Variants in OR51G2 observed in about 807,000 individuals in gnomAD.
OR51G2 encodes olfactory receptor family 51 subfamily G member 2, also known as olfactory receptor 51G2.
Under a neutral mutation model 11.8 loss-of-function variants are expected in OR51G2, and 13 were observed. The ratio of observed to expected loss-of-function variants is 1.10; its 90% CI spans 0.72 to 1.76. The LOEUF is 1.76. Ranked by LOEUF, OR51G2 falls within the 40% of genes most tolerant of loss-of-function variation. The probability of loss-of-function intolerance (pLI) is 0.00; values close to 1 mark genes in which losing one functional copy is unlikely to be tolerated. For synonymous variants in OR51G2, 178 were observed against 151.9 expected (o/e 1.17, Z -1.26); for missense variants, 474 against 394.4 (o/e 1.20, Z -1.71).
chr11:4,914,431 G>T lies in OR51G2; in HGVS notation c.*288C>A. On this transcript the variant is annotated 3_prime_UTR_variant, in exon 2 of 2. Coordinates refer to ENST00000641926, the MANE Select transcript of OR51G2 (RefSeq NM_001005238.2). ...CTATCCAGTTTCAAGGGGAGAAGAA[G>T]TAGACCCTATCTCTTTATGAGGAGT... 3.1e-6 allele frequency: 1 copy of T among 323,732 alleles called. No homozygotes were observed. The allele number at this position is 323,732 out of a possible 1,614,324, so 20.1% of individuals were successfully genotyped here. A position where few individuals can be genotyped will look rare whatever the true frequency, so the allele number is the denominator to read the frequency against.
At chr11:4,917,816 T>A (rs1275021656) in intron 1 of OR51G2, among the ~76,000 whole-genome samples, 2 of 152,130 alleles carry the variant, frequency 1.3e-5, no homozygotes, top group Non-Finnish European at 2.9e-5. Flanking sequence ...CATTGCACTA[T>A]GAAATTCATT....
rs1482484833 is a variant in OR51G2, at chr11:4,913,470, A to G, written c.*1249T>C. ...AGCTCCCCTTGGCAATATCACATTC[A>G]AGCTTGCTTTCCTCACAGTTACCTC... On this transcript the variant is annotated 3_prime_UTR_variant, in exon 2 of 2. Transcript: ENST00000641926. 4 of 152,208 alleles carry G rather than the reference A, an allele frequency of 2.6e-5. No homozygotes were observed. Among genetic ancestry groups the G allele is most frequent in the Non-Finnish European group, 4.4e-5 (3 of 68,046 alleles). 9.4% of individuals were successfully genotyped at this position (152,208 alleles called of 1,614,324 possible).
In OR51G2 at chr11:4,915,520, G is replaced by A; in HGVS notation, c.144C>T (p.Cys48=). The A allele has an allele frequency of 1.2e-6, 2 of 1,614,010 alleles. No individual in the cohort carries two copies. The highest frequency in any genetic ancestry group is 2.2e-5 in the East Asian group (1 of 44,866). Residue 48 remains cysteine, a synonymous_variant, in exon 2 of 2, where the codon TGC becomes TGT. Coordinates refer to ENST00000641926, the MANE Select transcript of OR51G2 (RefSeq NM_001005238.2). ...CTGTTTTAATGATAAAAAGAATTGT[G>A]CAGTTGCCCGGGATGGAAACCAGAT... The part of the protein sequence containing the change: ...FMYLVSIPGN[C]TILFIIKTER...
chr11:4,918,401 A>G (rs1851130765), intron 1 of OR51G2, among the ~76,000 whole-genome samples: 1 of 152,148 alleles, frequency 6.6e-6, no homozygotes, highest in Admixed American at 6.6e-5. Context: ...TGGGATTGGA[A>G]CTTGTGCTTC....
rs1323307647 is a variant in OR51G2, at chr11:4,915,613, G to T, written c.51C>A (p.Phe17Leu). Residue 17 changes from phenylalanine (F) to leucine (L), a missense_variant, in exon 2 of 2, where the codon TTC becomes TTA. Transcript: ENST00000641926. ...CCAGCCCAGGGATGCCACTCAGCAG[G>T]AAGGTAGCAGAAACGCTGCTGCTGC... ...GNSSSSVSAT[F>L]LLSGIPGLER... 1 of 1,614,020 alleles carries T rather than the reference G, an allele frequency of 6.2e-7. No homozygotes were observed. The highest frequency in any genetic ancestry group is 8.5e-7 in the Non-Finnish European group (1 of 1,179,940).
intron 1 of OR51G2, 145 bp from the exon 2 acceptor site, chr11:4,915,884 A>T: frequency 2.0e-6 from 1 of 500,408 alleles, no homozygotes. Flanking sequence ...AGAAGCAAAG[A>T]CATGGAATTG....
At position 4,914,315 on chromosome 11, in the gene OR51G2, A is replaced by G. The variant is rs143103717; in HGVS notation, c.*404T>C. 1,041 of 166,064 alleles carry G rather than the reference A, an allele frequency of 6.3e-3. 15 individuals are homozygous for G. The highest frequency in any genetic ancestry group is 0.022 in the African/African-American group (928 of 41,698). 10.3% of individuals were successfully genotyped at this position (166,064 alleles called of 1,614,324 possible). A position where few individuals can be genotyped will look rare whatever the true frequency, so the allele number is the denominator to read the frequency against. Reference sequence around the variant, plus strand: ...ACAAGCGTTGAGTGAAACAGACAGAAACAGTGGTGGAATGGAGGTGGAAGA... The same window carrying G: ...ACAAGCGTTGAGTGAAACAGACAGAGACAGTGGTGGAATGGAGGTGGAAGA... On this transcript the variant is annotated 3_prime_UTR_variant, in exon 2 of 2. Transcript: ENST00000641926.
intron 1 of OR51G2, among the ~76,000 whole-genome samples, chr11:4,918,141 A>G (rs980795020): frequency 6.6e-6 from 1 of 152,018 alleles, no homozygotes; most frequent in African/African-American, 2.4e-5. Context: ...GAGGAAAGAG[A>G]GGCTTAGAGA....
In OR51G2 at chr11:4,914,665, G is replaced by T; in HGVS notation, c.*54C>A. 2.5e-6 allele frequency: 3 copies of T among 1,203,694 alleles called. No individual in the cohort carries two copies. In the East Asian group the frequency reaches 7.3e-5, roughly 29 times the overall value. 74.6% of individuals were successfully genotyped at this position (1,203,694 alleles called of 1,614,324 possible). On this transcript the variant is annotated 3_prime_UTR_variant, in exon 2 of 2. Coordinates refer to ENST00000641926, the MANE Select transcript of OR51G2 (RefSeq NM_001005238.2). ...TTTATGCATGTTAGAAATTATAAAG[G>T]ATAGGCAAACAAGGGCACGTTTCAG...
In OR51G2 at chr11:4,915,042, T is replaced by C. The variant is rs1467038891; in HGVS notation, c.622A>G (p.Ile208Val). 1 of 1,613,794 alleles carries C rather than the reference T, an allele frequency of 6.2e-7. No individual in the cohort carries two copies. The highest frequency in any genetic ancestry group is 1.3e-5 in the African/African-American group (1 of 74,844). Residue 208 changes from isoleucine to valine, a missense_variant, in exon 2 of 2, where the codon ATC becomes GTC. Transcript: ENST00000641926. ...KANSIYGMFV[I>V]VSTVGIDSLL... ...GAGTCTATACCCACTGTAGAGACGA[T>C]GACAAACATGCCGTAGATGCTGTTG... is the stretch of plus-strand genomic sequence containing the variant.
rs181001670 is a variant in OR51G2 at position 4,916,428 on chromosome 11, T to C, written c.-76-689A>G. Among the ~76,000 whole-genome samples, 256 of 152,332 alleles carry C rather than the reference T, an allele frequency of 1.7e-3. 2 individuals carry two copies. The highest frequency in any genetic ancestry group is 9.0e-4 in the Non-Finnish European group (61 of 68,038). On this transcript the variant is annotated intron_variant, in intron 1 of 1. Coordinates refer to ENST00000641926, the MANE Select transcript of OR51G2 (RefSeq NM_001005238.2). The stretch of plus-strand genomic sequence containing the variant: ...AAAAAAAAAGTCCTCACATGCCTTT[T>C]TTCTACCAGGCCTCTCACTAACATT...
chr11:4,917,798 A>G lies in OR51G2; in HGVS notation c.-77+1379T>C, dbSNP rs139282316. 2.9e-3 allele frequency among the ~76,000 whole-genome samples: 435 copies of G among 152,170 alleles called. 3 individuals are homozygous for G. Among genetic ancestry groups the G allele is most frequent in the African/African-American group, 0.01 (420 of 41,554 alleles). ...TTGATGTAATAGTCTCTAATTGTTCAGTGTTTTCATTGCACTATGAAATTC... is the reference window on the plus strand; with the variant it reads ...TTGATGTAATAGTCTCTAATTGTTCGGTGTTTTCATTGCACTATGAAATTC... On this transcript the variant is annotated intron_variant, in intron 1 of 1. Coordinates refer to ENST00000641926, the MANE Select transcript of OR51G2 (RefSeq NM_001005238.2).
intron 1 of OR51G2, among the ~76,000 whole-genome samples, chr11:4,918,937 A>T (rs775791109): frequency 6.6e-6 from 1 of 152,256 alleles, no homozygotes; most frequent in Non-Finnish European, 1.5e-5. Context: ...GACTAGGGGT[A>T]GATGTTGACC....
At position 4,915,451 on chromosome 11, in the gene OR51G2, C is replaced by T. The variant is rs1778749081; in HGVS notation, c.213G>A (p.Leu71=). 2 of 1,613,932 alleles carry T rather than the reference C, an allele frequency of 1.2e-6. No homozygotes were observed. Among genetic ancestry groups the T allele is most frequent in the Admixed American group, 1.7e-5 (1 of 59,988 alleles). ...HEPMYLFLSM[L]ALIDLGLSLC... ...GGGAGAGACCCAGGTCAATCAGAGCCAGCATGGACAGGAAGAGATACATAG... is the reference window on the plus strand; with the variant it reads ...GGGAGAGACCCAGGTCAATCAGAGCTAGCATGGACAGGAAGAGATACATAG... The change falls in exon 2 of 2, where the codon CTG becomes CTA. Residue 71 remains leucine, a synonymous_variant. Coordinates refer to ENST00000641926, the MANE Select transcript of OR51G2 (RefSeq NM_001005238.2).
rs1010039566 is a variant in OR51G2, at chr11:4,913,271, T to G, written c.*1448A>C. 1.3e-5 allele frequency: 2 copies of G among 152,196 alleles called. No homozygotes were observed. Among genetic ancestry groups the G allele is most frequent in the Admixed American group, 1.3e-4 (2 of 15,270 alleles). 9.4% of individuals were successfully genotyped at this position (152,196 alleles called of 1,614,324 possible). A position where few individuals can be genotyped will look rare whatever the true frequency, so the allele number is the denominator to read the frequency against. Reference sequence around the variant, plus strand: ...GGTGTTGGGAGCAGGGACAGGCATATCCAATGTTAAATGTCAGGTGTACTA... The same window carrying G: ...GGTGTTGGGAGCAGGGACAGGCATAGCCAATGTTAAATGTCAGGTGTACTA... On this transcript the variant is annotated 3_prime_UTR_variant, in exon 2 of 2. Coordinates refer to ENST00000641926, the MANE Select transcript of OR51G2 (RefSeq NM_001005238.2).
chr11:4,915,415 G>A lies in OR51G2; in HGVS notation c.249C>T (p.Leu83=), dbSNP rs761383948. The A allele has an allele frequency of 1.2e-6, 2 of 1,614,116 alleles. No homozygotes were observed. Among genetic ancestry groups the A allele is most frequent in the Admixed American group, 3.3e-5 (2 of 60,022 alleles). The change falls in exon 2 of 2, where the codon CTC becomes CTT. Residue 83 remains leucine, a synonymous_variant. Transcript: ENST00000641926. Reference sequence around the variant, plus strand: ...CCCAAAAGATGCCCAGGACTGTAGGGAGAGTGCAAAGGGAGAGACCCAGGT... The same window carrying A: ...CCCAAAAGATGCCCAGGACTGTAGGAAGAGTGCAAAGGGAGAGACCCAGGT... ...LIDLGLSLCT[L]PTVLGIFWVG...
chr11:4,915,318 C>A lies in OR51G2; in HGVS notation c.346G>T (p.Glu116Ter). 1 of 1,613,758 alleles carries A rather than the reference C, an allele frequency of 6.2e-7. No homozygotes were observed. The highest frequency in any genetic ancestry group is 8.5e-7 in the Non-Finnish European group (1 of 1,179,938). Residue 116 changes from glutamate to a stop codon, truncating the protein, a stop_gained, in exon 2 of 2, where the codon GAG becomes TAG. Transcript: ENST00000641926. LOFTEE classifies it high-confidence loss of function. ...GCCATAGACAGTAGCACAGAGGACT[C>A]GAGGAAGGAGAAGCAGTGAATGAAA... The part of the protein sequence containing the change: ...LFFIHCFSFL[E>*]SSVLLSMAFD...
chr11:4,915,631 G>A lies in OR51G2; in HGVS notation c.33C>T (p.Ser11=), dbSNP rs1354499372. The part of the protein sequence containing the change: MTLGSLGNSS[S]SVSATFLLSG... ...TCAGCAGGAAGGTAGCAGAAACGCT[G>A]CTGCTGCTGTTTCCCAGGGATCCCA... The change falls in exon 2 of 2, where the codon AGC becomes AGT. Residue 11 remains serine, a synonymous_variant. Coordinates refer to ENST00000641926, the MANE Select transcript of OR51G2 (RefSeq NM_001005238.2). The A allele has an allele frequency of 3.1e-6, 5 of 1,613,556 alleles. No homozygotes were observed. The highest frequency in any genetic ancestry group is 4.2e-6 in the Non-Finnish European group (5 of 1,179,658).
rs1447186549 is a variant in OR51G2 at position 4,915,675 on chromosome 11, A to G, written c.-12T>C. Reference sequence around the variant, plus strand: ...GATCCCAGGGTCATTGTGTGAGGAGACAAGGGGGAAGGTGGGTGCCCTCCA... The same window carrying G: ...GATCCCAGGGTCATTGTGTGAGGAGGCAAGGGGGAAGGTGGGTGCCCTCCA... On this transcript the variant is annotated 5_prime_UTR_variant, in exon 2 of 2. Transcript: ENST00000641926. 6.3e-7 allele frequency: 1 copy of G among 1,596,788 alleles called. No homozygotes were observed. The highest frequency in any genetic ancestry group is 1.3e-5 in the African/African-American group (1 of 74,422).
Sources: allele counts gnomAD v4.1 joint callset (sites outside exome capture counted in the v4.1 genomes callset), GRCh38; gene constraint gnomAD v4.1.1; transcripts MANE v1.5; gene names NCBI Gene and HGNC (gene_info 2026-07-23, HGNC 2026-07-21).